Variants in RYR3 observed in about 807,000 individuals in gnomAD.
RYR3 encodes the protein ryanodine receptor 3.
Under a neutral mutation model 584.3 loss-of-function variants are expected in RYR3, and 207 were observed. The observed-to-expected ratio is 0.35, with a 90% CI of 0.32 to 0.40. RYR3 has a LOEUF of 0.40. RYR3 is among the 10% of genes least tolerant of loss of function. The pLI, the probability that RYR3 is intolerant of heterozygous loss-of-function variation, is 1.00. For missense variants in RYR3, 5,616 were observed against 6,089.2 expected, an observed-to-expected ratio of 0.92 and a Z score of 2.59; for synonymous variants, 2,416 against 2,248.5, an observed-to-expected ratio of 1.07 and a Z score of -2.11.
intron 12 of RYR3, among the ~76,000 whole-genome samples, chr15:33,569,618 C>T (rs372537627): frequency 6.5e-4 from 99 of 152,058 alleles, no homozygotes; most frequent in African/African-American, 2.3e-3. Context: ...ATATAAATAC[C>T]ATGTTTTGTT....
chr15:33,749,009 CAAG>C (rs1418057477), intron 55 of RYR3, among the ~76,000 whole-genome samples: 6 of 152,158 alleles, frequency 3.9e-5, no homozygotes, highest in Middle Eastern at 3.4e-3. Context: ...AGAATAATGA[CAAG>C]AAAAAAATCT....
intron 16 of RYR3, 39 bp from the exon 17 acceptor site, chr15:33,601,380 C>T (rs757834967): frequency 1.2e-6 from 2 of 1,603,866 alleles, no homozygotes; most frequent in Non-Finnish European, 1.7e-6. Flanking sequence ...CTGTGCCCTC[C>T]TGGTGGTCCT....
In RYR3 at chr15:33,771,921, A is replaced by T; in HGVS notation, c.8818A>T (p.Thr2940Ser). 1 of 1,605,392 alleles carries T rather than the reference A, an allele frequency of 6.2e-7. No homozygotes were observed. Among genetic ancestry groups the T allele is most frequent in the Non-Finnish European group, 8.5e-7 (1 of 1,174,070 alleles). ...HILAQTLDTR[T>S]VMKSGSELVK... Reference sequence around the variant, plus strand: ...GATTTGAACATTGTTTGCTTGCAGGACTGTCATGAAGTCAGGCTCAGAGCT... The same window carrying T: ...GATTTGAACATTGTTTGCTTGCAGGTCTGTCATGAAGTCAGGCTCAGAGCT... Residue 2940 changes from threonine (T) to serine (S), a missense_variant and splice_region_variant, in exon 63 of 104, where the codon ACT becomes TCT. This residue lies in a region of RYR3 where 1,280 missense variants were observed against 1,426.2 expected (regional missense o/e 0.90). Transcript: ENST00000634891.
rs74008305 is a variant in RYR3, at chr15:33,781,805, C to T, written c.9268+1464C>T. Among the ~76,000 whole-genome samples the T allele has an allele frequency of 2.2e-3, 338 of 151,316 alleles. 1 individual carries two copies. Among genetic ancestry groups the T allele is most frequent in the African/African-American group, 7.9e-3 (325 of 41,174 alleles). ...ATCTATAAGTTAACCTTTCCTCAAC[C>T]GCTTCAGCCTCATCTCACCCTTTCT... On this transcript the variant is annotated intron_variant, in intron 65 of 103. Transcript: ENST00000634891.
intron 12 of RYR3, among the ~76,000 whole-genome samples, chr15:33,579,055 T>C (rs1328042740): frequency 6.6e-6 from 1 of 151,944 alleles, no homozygotes; most frequent in East Asian, 1.9e-4. Context: ...CAGAGAAACT[T>C]GCGGAATAGG....
At chr15:33,793,034 T>A (rs1034519974) in intron 67 of RYR3, among the ~76,000 whole-genome samples, 1 of 152,230 alleles carries the variant, frequency 6.6e-6, no homozygotes, top group African/African-American at 2.4e-5. Context: ...CCCAGCGAAC[T>A]GCAAATTCCA....
At chr15:33,715,791 C>A (rs4779638) in intron 43 of RYR3, among the ~76,000 whole-genome samples, 126,196 of 152,106 alleles carry the variant, frequency 0.83, 52,437 homozygotes, top group East Asian at 0.91. Flanking sequence ...GGGCAAGAGA[C>A]CATCCCTTCA....
At chr15:33,752,320 C>T (rs2071393059) in intron 57 of RYR3, among the ~76,000 whole-genome samples, 1 of 152,150 alleles carries the variant, frequency 6.6e-6, no homozygotes, top group African/African-American at 2.4e-5. Context: ...TGACTTTGGG[C>T]AGTATGGCCA....
At chr15:33,852,960 C>A in intron 94 of RYR3, 85 bp from the exon 95 acceptor site, 1 of 1,156,332 alleles carries the variant, frequency 8.6e-7, no homozygotes, top group Non-Finnish European at 1.3e-6. Context: ...GATCCCAGAT[C>A]CAGGCACTCA....
At chr15:33,613,868 G>C (rs1346813144) in intron 19 of RYR3, among the ~76,000 whole-genome samples, 1 of 152,088 alleles carries the variant, frequency 6.6e-6, no homozygotes, top group East Asian at 1.9e-4. Flanking sequence ...CTTTTCCTGA[G>C]TCATTGAGTA....
chr15:33,824,630 C>A (rs1188320146), intron 81 of RYR3, among the ~76,000 whole-genome samples: 1 of 152,124 alleles, frequency 6.6e-6, no homozygotes, highest in East Asian at 1.9e-4. Flanking sequence ...TCATTTTTAC[C>A]TAAATGATGA....
chr15:33,413,833 C>CT (rs1321653901), intron 1 of RYR3, among the ~76,000 whole-genome samples: 4 of 152,270 alleles, frequency 2.6e-5, no homozygotes, highest in Non-Finnish European at 4.4e-5. Context: ...ATCCTATTAA[C>CT]TTTTTTACCA....
intron 92 of RYR3, 75 bp from the exon 93 acceptor site, chr15:33,844,786 TA>T: frequency 1.6e-6 from 2 of 1,278,182 alleles, no homozygotes; most frequent in Non-Finnish European, 2.2e-6. Flanking sequence ...ATGCTAACAA[TA>T]TAAAATATGT....
chr15:33,707,602 A>G (rs1395189580), intron 43 of RYR3, among the ~76,000 whole-genome samples: 4 of 152,220 alleles, frequency 2.6e-5, no homozygotes, highest in Non-Finnish European at 5.9e-5. Flanking sequence ...TTGCTCTGGA[A>G]TAATATGCTG....
chr15:33,314,774 C>T (rs1241294319), intron 1 of RYR3, among the ~76,000 whole-genome samples: 10 of 152,006 alleles, frequency 6.6e-5, no homozygotes, highest in Non-Finnish European at 1.0e-4. Context: ...ATTAGCCGGG[C>T]GTGGTGGTGG....
chr15:33,410,274 A>G (rs1358583993), intron 1 of RYR3, among the ~76,000 whole-genome samples: 2 of 152,170 alleles, frequency 1.3e-5, no homozygotes, highest in Non-Finnish European at 1.5e-5. Context: ...GTATTTTTAA[A>G]TAACTGAACA....
Position 33,725,325 on chromosome 15 carries a change from G to A in RYR3, c.6913-1061G>A, listed in dbSNP as rs116781450. On this transcript the variant is annotated intron_variant, in intron 45 of 103. Coordinates refer to ENST00000634891, the MANE Select transcript of RYR3 (RefSeq NM_001036.6). ...GGAGATGGAGGCGGCACCAGGGTGC[G>A]TGGGCGGGCCTTCTCCTTTCCCTGG... is the stretch of plus-strand genomic sequence containing the variant. Among the ~76,000 whole-genome samples, 905 of 152,212 alleles carry A rather than the reference G, an allele frequency of 5.9e-3. 10 individuals are homozygous for A. The highest frequency in any genetic ancestry group is 0.02 in the African/African-American group (847 of 41,526).
intron 1 of RYR3, chr15:33,467,635 G>A (rs1477063748): frequency 5.1e-6 from 1 of 197,004 alleles, no homozygotes. Context: ...GAGAGCCAAA[G>A]GCTGTATATC....
intron 64 of RYR3, among the ~76,000 whole-genome samples, chr15:33,774,086 C>G (rs73381194): frequency 0.016 from 2,430 of 152,276 alleles, 42 homozygotes; most frequent in Middle Eastern, 0.044. Flanking sequence ...AACAAGTGCA[C>G]ACTTTGGTAT....
Sources: allele counts gnomAD v4.1 joint callset (sites outside exome capture counted in the v4.1 genomes callset), GRCh38; gene constraint gnomAD v4.1.1; regional missense constraint gnomAD v4.1.1; transcripts MANE v1.5; gene names NCBI Gene and HGNC (gene_info 2026-07-23, HGNC 2026-07-21).